SLC38A10: variants seen among roughly 807,000 people sequenced by gnomAD.
SLC38A10 encodes the protein solute carrier family 38 member 10, also known as Sodium-coupled neutral amino acid transporter 10.
SLC38A10 carries 53 observed loss-of-function variants against 81.0 expected under a neutral mutation model. The ratio of observed to expected loss-of-function variants is 0.65; its 90% confidence interval spans 0.53 to 0.82. The LOEUF (loss-of-function observed/expected upper bound fraction) is 0.82. Ranked by LOEUF, SLC38A10 falls within the 40% of genes least tolerant of loss-of-function variation. The pLI, the probability that SLC38A10 is intolerant of heterozygous loss-of-function variation, is 0.00. For synonymous variants in SLC38A10, 665 were observed against 655.3 expected (o/e 1.01, Z -0.23); for missense variants, 1,471 against 1,545.0 (o/e 0.95, Z 0.80).
At position 81,288,432 on chromosome 17, in the gene SLC38A10, G is replaced by A. The variant is rs1336512682; in HGVS notation, c.217+1259C>T. On this transcript the variant is annotated intron_variant, in intron 2 of 15. Transcript: ENST00000374759. The surrounding 1 kb of genome is among the most constrained non-coding windows in gnomAD (Gnocchi z 5.4). Reference sequence around the variant, plus strand: ...CAGAGTTTTCACCAAAACCCACAGGGCCAACTCCTGAGAACACGGATGCTG... The same window carrying A: ...CAGAGTTTTCACCAAAACCCACAGGACCAACTCCTGAGAACACGGATGCTG... Among the ~76,000 whole-genome samples, 1 of 152,162 alleles carries A rather than the reference G, an allele frequency of 6.6e-6. No individual in the cohort carries two copies. The highest frequency in any genetic ancestry group is 1.5e-5 in the Non-Finnish European group (1 of 68,030).
At chr17:81,252,970 A>C in intron 12 of SLC38A10, 103 bp downstream of exon 12, 1 of 1,408,612 alleles carries the variant, frequency 7.1e-7, no homozygotes, top group East Asian at 2.3e-5. Context: ...TGAAGGGAAA[A>C]AGATACACAC....
In SLC38A10 at chr17:81,286,559, A is replaced by C. The variant is rs2063268609; in HGVS notation, c.218-1664T>G. On this transcript the variant is annotated intron_variant, in intron 2 of 15. Coordinates refer to ENST00000374759, the MANE Select transcript of SLC38A10 (RefSeq NM_001037984.3). This position sits in a 1 kb window ranked among gnomAD's most constrained non-coding sequence, Gnocchi z 6.0. The stretch of plus-strand genomic sequence containing the variant: ...CATCCTGCGTGGACTGGCACAGAGA[A>C]AGGGAGGAAGAGGCTGAAGCGCCCA... Among the ~76,000 whole-genome samples the C allele has an allele frequency of 6.6e-6, 1 of 152,212 alleles. No homozygotes were observed. The highest frequency in any genetic ancestry group is 1.5e-5 in the Non-Finnish European group (1 of 68,030).
rs148121671 is a variant in SLC38A10 at position 81,293,882 on chromosome 17, T to C, written c.99+941A>G. Among the ~76,000 whole-genome samples, 107 of 152,378 alleles carry C rather than the reference T, an allele frequency of 7.0e-4. 1 individual carries two copies. The highest frequency in any genetic ancestry group is 2.4e-3 in the African/African-American group (100 of 41,592). ...GCACTAAATGCTTGTTTATTGTAGA[T>C]TAAACAGATGACACTTAGAAATGGC... On this transcript the variant is annotated intron_variant, in intron 1 of 15. Coordinates refer to ENST00000374759, the MANE Select transcript of SLC38A10 (RefSeq NM_001037984.3).
intron 11 of SLC38A10, among the ~76,000 whole-genome samples, chr17:81,255,434 C>A (rs1419375572): frequency 1.3e-5 from 2 of 152,234 alleles, no homozygotes; most frequent in South Asian, 4.1e-4. Flanking sequence ...GTGCTGCCAG[C>A]CGCTTCCACT....
chr17:81,259,669 G>A (rs970667721), intron 11 of SLC38A10, among the ~76,000 whole-genome samples: 14 of 152,270 alleles, frequency 9.2e-5, no homozygotes, highest in African/African-American at 2.6e-4. Context: ...CACAGACGGA[G>A]GCGTCAGGGT....
In SLC38A10 at chr17:81,253,697, TCATCAC is replaced by T. The variant is rs1275939110; in HGVS notation, c.1289-463_1289-458del. On this transcript the variant is annotated intron_variant, in intron 11 of 15. Transcript: ENST00000374759. This position sits in a 1 kb window ranked among gnomAD's most constrained non-coding sequence, Gnocchi z 4.1. ...TCCATCCCTACCACCAACATCACCA[TCATCAC>T]CATCACCATCACCATCATCACCATC... 5.8e-4 allele frequency among the ~76,000 whole-genome samples: 83 copies of T among 143,696 alleles called. No homozygotes were observed. In the South Asian group the frequency reaches 0.011, roughly 19 times the overall value. 94.3% of individuals were successfully genotyped at this position (143,696 alleles called of 152,430 possible).
rs989297934 is a variant in SLC38A10 at position 81,289,771 on chromosome 17, C to CAG, written c.135_136dup (p.Cys46SerfsTer5). The CAG allele has an allele frequency of 2.4e-5, 38 of 1,609,330 alleles. No homozygotes were observed. Among genetic ancestry groups the CAG allele is most frequent in the Non-Finnish European group, 2.8e-5 (33 of 1,178,856 alleles). On this transcript the variant is annotated frameshift_variant, in exon 2 of 16. Coordinates refer to ENST00000374759, the MANE Select transcript of SLC38A10 (RefSeq NM_001037984.3). LOFTEE classifies it high-confidence loss of function. This position sits in a 1 kb window ranked among gnomAD's most constrained non-coding sequence, Gnocchi z 5.9. ...GCACGACTGGTGCGTCATCCATGAG[C>CAG]AGAAGACCAAGAGCAGCGCCCCCAG...
At chr17:81,260,696 C>T (rs1158706422) in intron 10 of SLC38A10, among the ~76,000 whole-genome samples, 1 of 152,210 alleles carries the variant, frequency 6.6e-6, no homozygotes, top group East Asian at 1.9e-4. Context: ...GCTGACGTGC[C>T]CTCCATGCCA....
At chr17:81,249,437 G>T (rs867057392) in intron 14 of SLC38A10, among the ~76,000 whole-genome samples, 1 of 150,366 alleles carries the variant, frequency 6.7e-6, no homozygotes, top group Admixed American at 6.6e-5. Flanking sequence ...GAAGGAGGGA[G>T]GGAGAAGGAG....
chr17:81,271,712 T>G (rs894091098), intron 9 of SLC38A10, among the ~76,000 whole-genome samples: 36 of 151,404 alleles, frequency 2.4e-4, no homozygotes, highest in Non-Finnish European at 4.6e-4. Flanking sequence ...TCTGCCCAGG[T>G]GTCAATGGGT....
Position 81,252,484 on chromosome 17 carries a change from C to T in SLC38A10, c.1656G>A (p.Pro552=), listed in dbSNP as rs141299313. Residue 552 remains proline (P), a synonymous_variant, in exon 13 of 16, where the codon CCG becomes CCA. Transcript: ENST00000374759. The stretch of plus-strand genomic sequence containing the variant: ...GCCTCTTCCCAACCTCTCCCTGCTC[C>T]GGCTCTTGTTTCTCTCTTTCTGAGT... ...LPDSEREKQE[P]EQGEVGKRPG... The T allele has an allele frequency of 1.2e-5, 20 of 1,613,244 alleles. No homozygotes were observed. Among genetic ancestry groups the T allele is most frequent in the African/African-American group, 1.3e-5 (1 of 74,938 alleles).
chr17:81,283,483 C>A lies in SLC38A10; in HGVS notation c.283G>T (p.Gly95Cys). The change falls in exon 4 of 16, where the codon GGC (glycine) becomes TGC (cysteine). Residue 95 changes from glycine to cysteine, a missense_variant. Physicochemically the swap from Gly to Cys is radical, Grantham distance 159 (BLOSUM62 -3). Coordinates refer to ENST00000374759, the MANE Select transcript of SLC38A10 (RefSeq NM_001037984.3). This position sits in a 1 kb window ranked among gnomAD's most constrained non-coding sequence, Gnocchi z 4.7. ...VETSMIGLML[G>C]TCIAFYVVIG... ...ACGACGTAGAAGGCGATGCAGGTGCCCAGCATCAGCCCGATCATGCTGCAC... is the reference window on the plus strand; with the variant it reads ...ACGACGTAGAAGGCGATGCAGGTGCACAGCATCAGCCCGATCATGCTGCAC... 6.2e-7 allele frequency: 1 copy of A among 1,611,146 alleles called. No individual in the cohort carries two copies. Among genetic ancestry groups the A allele is most frequent in the South Asian group, 1.1e-5 (1 of 90,638 alleles).
At chr17:81,255,605 C>T (rs1015861868) in intron 11 of SLC38A10, among the ~76,000 whole-genome samples, 3 of 152,314 alleles carry the variant, frequency 2.0e-5, no homozygotes, top group South Asian at 2.1e-4. Flanking sequence ...ACAGTAGAGG[C>T]GGCCACGGCC....
chr17:81,267,351 G>A (rs1295855274), intron 10 of SLC38A10, among the ~76,000 whole-genome samples: 1 of 152,024 alleles, frequency 6.6e-6, no homozygotes, highest in Non-Finnish European at 1.5e-5. Context: ...AAAAAATGAG[G>A]GAGGAATTAT....
In SLC38A10 at chr17:81,281,069, CTG is replaced by C. The variant is rs2063208282; in HGVS notation, c.502-338_502-337del. Among the ~76,000 whole-genome samples the C allele has an allele frequency of 1.3e-5, 2 of 152,246 alleles. No individual in the cohort carries two copies. Among genetic ancestry groups the C allele is most frequent in the Non-Finnish European group, 2.9e-5 (2 of 68,046 alleles). On this transcript the variant is annotated intron_variant, in intron 5 of 15. Transcript: ENST00000374759. This position sits in a 1 kb window ranked among gnomAD's most constrained non-coding sequence, Gnocchi z 5.3. The stretch of plus-strand genomic sequence containing the variant: ...CCCCAGTTTCCGTCGGTTACAGAGG[CTG>C]GTTTCCCACGTGGGCAGGTCCCTCC...
rs149185322 is a variant in SLC38A10, at chr17:81,284,944, G to A, written c.218-49C>T. On this transcript the variant is annotated intron_variant, in intron 2 of 15. Coordinates refer to ENST00000374759, the MANE Select transcript of SLC38A10 (RefSeq NM_001037984.3). ...CTCAATCCAACAGCGTGAGAAGCTCGTCCAGAACAAAGGTACTGAGCCAAG... is the reference window on the plus strand; with the variant it reads ...CTCAATCCAACAGCGTGAGAAGCTCATCCAGAACAAAGGTACTGAGCCAAG... 2.2e-3 allele frequency: 3,391 copies of A among 1,508,326 alleles called. 23 individuals carry two copies. The Middle Eastern group carries it at 0.03, about 13-fold the overall frequency. 93.4% of individuals were successfully genotyped at this position (1,508,326 alleles called of 1,614,324 possible).
chr17:81,252,765 G>T, intron 12 of SLC38A10, 82 bp from the exon 13 acceptor site: 1 of 1,504,176 alleles, frequency 6.6e-7, no homozygotes, highest in East Asian at 2.3e-5. Flanking sequence ...GTTCTTCCCT[G>T]GGTTCTGGCT....
chr17:81,284,938 A>G, intron 2 of SLC38A10, 43 bp from the exon 3 acceptor site: 1 of 1,520,082 alleles, frequency 6.6e-7, no homozygotes, highest in Non-Finnish European at 8.9e-7. Context: ...ACAGCGTGAG[A>G]AGCTCGTCCA....
chr17:81,261,740 C>A (rs111767393), intron 10 of SLC38A10, among the ~76,000 whole-genome samples: 3 of 152,306 alleles, frequency 2.0e-5, no homozygotes. Context: ...TGGGCTCCGC[C>A]GAAGGGAGCC....
Sources: allele counts gnomAD v4.1 joint callset (sites outside exome capture counted in the v4.1 genomes callset), GRCh38; gene constraint gnomAD v4.1.1; non-coding constraint Gnocchi (gnomAD v3.1); transcripts MANE v1.5; gene names NCBI Gene and HGNC (gene_info 2026-07-23, HGNC 2026-07-21).